Variants in AKAIN1 observed in about 807,000 individuals in gnomAD.
AKAIN1 encodes the protein A-kinase anchor inhibitor 1, also known as A-kinase anchor protein inhibitor 1.
AKAIN1 carries 3 observed loss-of-function variants against 3.7 expected under a neutral mutation model. The observed-to-expected ratio is 0.82, with a 90% confidence interval of 0.37 to 2.12. The LOEUF is 2.12. Among genes scored for constraint, AKAIN1 ranks in the 30% most tolerant of loss-of-function variants. AKAIN1 has a pLI of 0.06. For missense variants in AKAIN1, 82 were observed against 82.7 expected (o/e 0.99, Z 0.03); for synonymous variants, 31 against 30.8 (o/e 1.01, Z -0.02).
chr18:5,192,937 T>C (rs1026278607), intron 1 of AKAIN1, among the ~76,000 whole-genome samples: 1 of 152,212 alleles, frequency 6.6e-6, no homozygotes, highest in Non-Finnish European at 1.5e-5. Flanking sequence ...AATTTTTCTG[T>C]ATGTTAATTT....
At chr18:5,168,229 T>C (rs564818362) in intron 1 of AKAIN1, among the ~76,000 whole-genome samples, 1 of 152,232 alleles carries the variant, frequency 6.6e-6, no homozygotes, top group South Asian at 2.1e-4. Flanking sequence ...GAGGCTAACT[T>C]GAAGGAAACC....
intron 1 of AKAIN1, among the ~76,000 whole-genome samples, chr18:5,172,812 A>T (rs2071205300): frequency 6.6e-6 from 1 of 152,066 alleles, no homozygotes; most frequent in Non-Finnish European, 1.5e-5. Flanking sequence ...CCCTCTAAGG[A>T]ACATTTTAAG....
intron 1 of AKAIN1, among the ~76,000 whole-genome samples, chr18:5,194,137 C>A (rs78157774): frequency 6.6e-6 from 1 of 152,126 alleles, no homozygotes; most frequent in East Asian, 1.9e-4. Flanking sequence ...ATACTTTATA[C>A]CTCATTTAAC....
intron 1 of AKAIN1, among the ~76,000 whole-genome samples, chr18:5,192,821 A>C (rs1357073305): frequency 6.6e-6 from 1 of 152,072 alleles, no homozygotes; most frequent in African/African-American, 2.4e-5. Context: ...GTTTGACTAC[A>C]AAGGGGTAGC....
intron 1 of AKAIN1, among the ~76,000 whole-genome samples, chr18:5,154,183 C>T (rs2071094150): frequency 6.6e-6 from 1 of 152,076 alleles, no homozygotes; most frequent in African/African-American, 2.4e-5. Context: ...AAGCAACAAC[C>T]ATGAAGAAAA....
intron 1 of AKAIN1, among the ~76,000 whole-genome samples, chr18:5,185,978 C>A (rs58964181): frequency 6.6e-6 from 1 of 152,060 alleles, no homozygotes; most frequent in Non-Finnish European, 1.5e-5. Context: ...TATATATACA[C>A]CATGGAATAC....
rs574123145 is a variant in AKAIN1, at chr18:5,161,979, T to G, written c.17-16224A>C. Among the ~76,000 whole-genome samples the G allele has an allele frequency of 3.6e-4, 54 of 152,014 alleles. No homozygotes were observed. The South Asian group carries it at 0.011, about 30-fold the overall frequency. On this transcript the variant is annotated intron_variant, in intron 1 of 1. Coordinates refer to ENST00000434239, the MANE Select transcript of AKAIN1 (RefSeq NM_001145194.2). ...TAGTAAAAGATGGAGCTCTTCAAGGTTTTTGGGAGATCTGAGAGGCGTATG... is the reference window on the plus strand; with the variant it reads ...TAGTAAAAGATGGAGCTCTTCAAGGGTTTTGGGAGATCTGAGAGGCGTATG...
intron 1 of AKAIN1, among the ~76,000 whole-genome samples, chr18:5,185,529 G>A (rs972137592): frequency 3.3e-5 from 5 of 152,076 alleles, no homozygotes; most frequent in African/African-American, 1.2e-4. Flanking sequence ...ATTAAAAAGT[G>A]GGCAAAGGAA....
chr18:5,185,393 A>G (rs1030664409), intron 1 of AKAIN1, among the ~76,000 whole-genome samples: 26 of 152,170 alleles, frequency 1.7e-4, no homozygotes, highest in African/African-American at 6.0e-4. Flanking sequence ...GAATCTATCA[A>G]CATAGTAAAC....
At chr18:5,197,504 C>CAAAAAAAAACAA, upstream of AKAIN1, 1 of 833,064 alleles carries the variant, frequency 1.2e-6, no homozygotes, top group Non-Finnish European at 1.5e-6. The surrounding 1 kb of genome is among the most constrained non-coding windows in gnomAD (Gnocchi z 6.9). Context: ...ATAGATTTGT[C>CAAAAAAAAACAA]AAAAAAAAAA....
rs117095823 is a variant in AKAIN1, at chr18:5,195,710, T to G, written c.16+1328A>C. Among the ~76,000 whole-genome samples, 525 of 152,270 alleles carry G rather than the reference T, an allele frequency of 3.4e-3. 2 individuals carry two copies. The highest frequency in any genetic ancestry group is 0.014 in the Middle Eastern group (4 of 294). ...AATGAGATAGCAGCATGAAACTGCT[T>G]TGTAAAGTGTTAAGTGCTGTATAAA... On this transcript the variant is annotated intron_variant, in intron 1 of 1. Transcript: ENST00000434239.
chr18:5,187,831 A>G (rs776334985), intron 1 of AKAIN1, among the ~76,000 whole-genome samples: 4 of 152,144 alleles, frequency 2.6e-5, no homozygotes, highest in African/African-American at 4.8e-5. Context: ...TCCAGCATCA[A>G]TTCAAAAGTT....
chr18:5,196,346 C>T (rs1396969520), intron 1 of AKAIN1, among the ~76,000 whole-genome samples: 1 of 152,246 alleles, frequency 6.6e-6, no homozygotes, highest in East Asian at 1.9e-4. Flanking sequence ...ACGCACACGC[C>T]GCCAAGCCGG....
upstream of AKAIN1, chr18:5,197,384 A>G (rs568651632): frequency 7.1e-6 from 9 of 1,265,372 alleles, no homozygotes; most frequent in South Asian, 2.6e-4. The surrounding 1 kb of genome is among the most constrained non-coding windows in gnomAD (Gnocchi z 6.9). Flanking sequence ...TCACGCGACG[A>G]AGGTCGGAAG....
intron 1 of AKAIN1, 84 bp downstream of exon 1, chr18:5,196,954 A>C (rs142900915): frequency 3.3e-6 from 4 of 1,199,380 alleles, no homozygotes; most frequent in African/African-American, 1.5e-5. Context: ...GCCGTAAGGT[A>C]AAGAGGCCTT....
chr18:5,181,141 A>T (rs1243109408), intron 1 of AKAIN1, among the ~76,000 whole-genome samples: 1 of 151,790 alleles, frequency 6.6e-6, no homozygotes, highest in Non-Finnish European at 1.5e-5. Flanking sequence ...AAAAAGTAAA[A>T]TTTAGCCAGG....
chr18:5,197,601 T>A, upstream of AKAIN1: 1 of 610,536 alleles, frequency 1.6e-6, no homozygotes, highest in Non-Finnish European at 2.4e-6. The surrounding 1 kb of genome is among the most constrained non-coding windows in gnomAD (Gnocchi z 6.9). Flanking sequence ...TCTGTCAAGT[T>A]AATAGGTCCT....
rs549203293 is a variant in AKAIN1 at position 5,156,139 on chromosome 18, G to C, written c.17-10384C>G. On this transcript the variant is annotated intron_variant, in intron 1 of 1. Coordinates refer to ENST00000434239, the MANE Select transcript of AKAIN1 (RefSeq NM_001145194.2). Reference sequence around the variant, plus strand: ...TTACCAGAACTCTTAAATATTTAACGAAAGATTCTCAGTTCCCGGGCATGG... The same window carrying C: ...TTACCAGAACTCTTAAATATTTAACCAAAGATTCTCAGTTCCCGGGCATGG... 3.3e-4 allele frequency among the ~76,000 whole-genome samples: 50 copies of C among 152,188 alleles called. No individual in the cohort carries two copies. In the South Asian group the frequency reaches 6.4e-3, roughly 20 times the overall value.
chr18:5,188,602 A>G (rs1002815592), intron 1 of AKAIN1, among the ~76,000 whole-genome samples: 3 of 151,906 alleles, frequency 2.0e-5, no homozygotes, highest in Non-Finnish European at 4.4e-5. Context: ...CTTGCTGCAA[A>G]CCCTTGCTTG....
Sources: gnomAD v4.1 joint callset for allele counts (sites outside exome capture counted in the v4.1 genomes callset) on GRCh38, gnomAD v4.1.1 for gene constraint, Gnocchi (gnomAD v3.1) non-coding constraint, MANE v1.5 for transcripts, NCBI Gene and HGNC (gene_info 2026-07-23, HGNC 2026-07-21) for gene names.